Variants in ENTREP2 observed in about 807,000 individuals in gnomAD.
ENTREP2 encodes endosomal transmembrane epsin interactor 2, also known as protein ENTREP2.
the ENTREP2 span, among the ~76,000 whole-genome samples, chr15:29,422,510 G>A: frequency 6.6e-6 from 1 of 152,134 alleles, no homozygotes; most frequent in African/African-American, 2.4e-5. Context: ...GTTTGTAGGG[G>A]GAAAGTCAGC....
At chr15:29,633,875 C>T in the ENTREP2 span, among the ~76,000 whole-genome samples, 334 of 152,234 alleles carry the variant, frequency 2.2e-3, 1 homozygote, top group African/African-American at 7.9e-3. Flanking sequence ...GAGAGAATCG[C>T]TTGAACCCGG....
At chr15:29,400,447 A>G in the ENTREP2 span, among the ~76,000 whole-genome samples, 1 of 152,230 alleles carries the variant, frequency 6.6e-6, no homozygotes, top group African/African-American at 2.4e-5. Flanking sequence ...TTAAACAAAA[A>G]GACTAAATAA....
At chr15:29,429,897 C>G in the ENTREP2 span, among the ~76,000 whole-genome samples, 1 of 152,228 alleles carries the variant, frequency 6.6e-6, no homozygotes, top group African/African-American at 2.4e-5. Flanking sequence ...CCTAGCGAGC[C>G]AGGTGGCTTC....
chr15:29,434,144 A>G, the ENTREP2 span, among the ~76,000 whole-genome samples: 205 of 152,316 alleles, frequency 1.3e-3, no homozygotes, highest in Non-Finnish European at 2.4e-3. Context: ...ACTTTAGGAT[A>G]TATCTTGAGT....
chr15:29,570,449 C>T, the ENTREP2 span: 6 of 1,107,330 alleles, frequency 5.4e-6, no homozygotes, highest in Admixed American at 2.2e-4. Flanking sequence ...CAGCGCCTAG[C>T]CCCCCCGGCC....
At chr15:29,200,122 T>C in the ENTREP2 span, among the ~76,000 whole-genome samples, 3 of 152,282 alleles carry the variant, frequency 2.0e-5, no homozygotes, top group East Asian at 5.8e-4. Flanking sequence ...AGTCTGGAAA[T>C]CAAAAAATTA....
At chr15:29,485,601 G>T in the ENTREP2 span, among the ~76,000 whole-genome samples, 1 of 152,180 alleles carries the variant, frequency 6.6e-6, no homozygotes, top group Non-Finnish European at 1.5e-5. Flanking sequence ...GAAAGGAAAG[G>T]CTGGGGACAG....
At chr15:29,263,685 G>A in the ENTREP2 span, among the ~76,000 whole-genome samples, 1 of 152,226 alleles carries the variant, frequency 6.6e-6, no homozygotes, top group South Asian at 2.1e-4. Flanking sequence ...TCAGTGCTGT[G>A]TAGATGACTG....
the ENTREP2 span, among the ~76,000 whole-genome samples, chr15:29,551,498 T>C: frequency 6.6e-6 from 1 of 152,164 alleles, no homozygotes; most frequent in African/African-American, 2.4e-5. Context: ...TCAATACATA[T>C]GCCTGGAGCT....
chr15:29,609,287 T>C, the ENTREP2 span, among the ~76,000 whole-genome samples: 1 of 150,312 alleles, frequency 6.7e-6, no homozygotes, highest in African/African-American at 2.4e-5. Flanking sequence ...CAGTCCCCTA[T>C]TGATGGATAT....
the ENTREP2 span, chr15:29,234,503 G>A: frequency 7.0e-7 from 1 of 1,429,020 alleles, no homozygotes; most frequent in Non-Finnish European, 9.9e-7. Context: ...TGAGCTATAA[G>A]AACAACCAAC....
At chr15:29,160,174 G>A in the ENTREP2 span, among the ~76,000 whole-genome samples, 8 of 152,240 alleles carry the variant, frequency 5.3e-5, no homozygotes, top group Non-Finnish European at 1.0e-4. Context: ...CACTCCCAGT[G>A]CGGGGCCGCG....
the ENTREP2 span, among the ~76,000 whole-genome samples, chr15:29,144,437 T>G: frequency 6.6e-6 from 1 of 152,070 alleles, no homozygotes; most frequent in African/African-American, 2.4e-5. Flanking sequence ...CTATCAAATA[T>G]TTAAAGAAGG....
the ENTREP2 span, among the ~76,000 whole-genome samples, chr15:29,149,937 G>A: frequency 5.9e-5 from 9 of 152,194 alleles, no homozygotes; most frequent in Non-Finnish European, 1.2e-4. Context: ...AGTACTCAGC[G>A]AGGAAACAAC....
At chr15:29,479,753 G>A in the ENTREP2 span, among the ~76,000 whole-genome samples, 3 of 152,012 alleles carry the variant, frequency 2.0e-5, no homozygotes, top group African/African-American at 7.3e-5. Flanking sequence ...TAGCCACAGA[G>A]GTCAAGTCAA....
At chr15:29,303,039 G>C in the ENTREP2 span, among the ~76,000 whole-genome samples, 1 of 152,052 alleles carries the variant, frequency 6.6e-6, no homozygotes, top group Non-Finnish European at 1.5e-5. Context: ...CAGACTCAAA[G>C]GGGCCGCTTC....
the ENTREP2 span, among the ~76,000 whole-genome samples, chr15:29,337,261 A>G: frequency 6.6e-6 from 1 of 152,152 alleles, no homozygotes; most frequent in African/African-American, 2.4e-5. Context: ...CGGACTGTCA[A>G]TCCATTTCCA....
At chr15:29,477,689 T>C in the ENTREP2 span, among the ~76,000 whole-genome samples, 10,409 of 152,104 alleles carry the variant, frequency 0.068, 485 homozygotes, top group South Asian at 0.13. Flanking sequence ...ATCTCAGACA[T>C]GGCCGGGGAA....
chr15:29,430,000 C>T, the ENTREP2 span, among the ~76,000 whole-genome samples: 1 of 152,214 alleles, frequency 6.6e-6, no homozygotes, highest in African/African-American at 2.4e-5. Context: ...ACCTTTACTT[C>T]CTCTGAAACC....
Sources: allele counts gnomAD v4.1 joint callset (sites outside exome capture counted in the v4.1 genomes callset), GRCh38; gene constraint gnomAD v4.1.1; transcripts MANE v1.5; gene names NCBI Gene and HGNC (gene_info 2026-07-23, HGNC 2026-07-21).